C1orf116: variants seen among roughly 807,000 people sequenced by gnomAD.
The protein encoded by C1orf116 is specifically androgen-regulated gene protein.
Under a neutral mutation model 14.1 loss-of-function variants are expected in C1orf116, and 12 were observed. The ratio of observed to expected loss-of-function variants is 0.85; its 90% CI spans 0.54 to 1.38. The LOEUF is 1.38. C1orf116 is among the 40% of genes most tolerant of loss of function. The pLI is 0.00. For missense variants in C1orf116, 797 were observed against 747.0 expected (o/e 1.07, Z -0.78); for synonymous variants, 296 against 299.0 (o/e 0.99, Z 0.10).
chr1:207,032,218 C>T (rs1374912913), intron 1 of C1orf116, among the ~76,000 whole-genome samples: 1 of 152,212 alleles, frequency 6.6e-6, no homozygotes, highest in Non-Finnish European at 1.5e-5. Context: ...CATTTTGACT[C>T]CCTCTATTTC....
In C1orf116 at chr1:207,023,388, C is replaced by G; in HGVS notation, c.376G>C (p.Gly126Arg). 6.2e-7 allele frequency: 1 copy of G among 1,614,114 alleles called. No homozygotes were observed. ...AGGCTGTAGGAGCCAGACCTGAGGC[C>G]TAGGCCCTGGGGCTCAGGAGGGTGG... ...SSHPPEPQGL[G>R]LRSGSYSLPR... The change falls in exon 4 of 4, where the codon GGC becomes CGC. Residue 126 changes from glycine (G) to arginine (R), a missense_variant. By Grantham distance (125) the Gly-to-Arg change is moderately radical. Transcript: ENST00000359470.
chr1:207,022,596 G>A lies in C1orf116; in HGVS notation c.1168C>T (p.Leu390=). Residue 390 remains leucine (L), a synonymous_variant, in exon 4 of 4, where the codon CTG becomes TTG. Coordinates refer to ENST00000359470, the MANE Select transcript of C1orf116 (RefSeq NM_023938.6). ...RAQHLSPAPG[L]AQPAAPAQAS... ...TGGGCTGGAGCTGCAGGCTGAGCCAGACCTGGAGCTGGGGACAGATGCTGG... is the reference window on the plus strand; with the variant it reads ...TGGGCTGGAGCTGCAGGCTGAGCCAAACCTGGAGCTGGGGACAGATGCTGG... 1 of 1,614,202 alleles carries A rather than the reference G, an allele frequency of 6.2e-7. No individual in the cohort carries two copies. Among genetic ancestry groups the A allele is most frequent in the Non-Finnish European group, 8.5e-7 (1 of 1,180,038 alleles).
chr1:207,025,497 T>A (rs1198149804), intron 2 of C1orf116, among the ~76,000 whole-genome samples: 1 of 152,176 alleles, frequency 6.6e-6, no homozygotes, highest in Non-Finnish European at 1.5e-5. Context: ...AAGTGCAACA[T>A]AACAATTTGA....
Position 207,027,502 on chromosome 1 carries a change from A to T in C1orf116, c.97T>A (p.Ser33Thr). 6.2e-7 allele frequency: 1 copy of T among 1,613,898 alleles called. No individual in the cohort carries two copies. The highest frequency in any genetic ancestry group is 1.1e-5 in the South Asian group (1 of 91,080). The change falls in exon 2 of 4, where the codon TCT becomes ACT. Residue 33 changes from serine to threonine, a missense_variant. Coordinates refer to ENST00000359470, the MANE Select transcript of C1orf116 (RefSeq NM_023938.6). ...GGGAGAGTATTACGTACAGATCCAG[A>T]GCGGGTGGAGGTGCTGCTCATCATG... ...DSMMSSTSTRSGSSDSSYDFL... is the reference protein window; with the variant it reads ...DSMMSSTSTRTGSSDSSYDFL...
Position 207,020,307 on chromosome 1 carries a change from A to C in C1orf116, c.*1651T>G, listed in dbSNP as rs1160884474. The C allele has an allele frequency of 6.6e-6, 1 of 152,174 alleles. No homozygotes were observed. Among genetic ancestry groups the C allele is most frequent in the Non-Finnish European group, 1.5e-5 (1 of 68,050 alleles). 9.4% of individuals were successfully genotyped at this position (152,174 alleles called of 1,614,324 possible). A position where few individuals can be genotyped will look rare whatever the true frequency, so the allele number is the denominator to read the frequency against. Reference sequence around the variant, plus strand: ...TGGAGTATTTGTTGTCCTTATGTTAACCTTGTCACCGTTTTCAGAAATTCT... The same window carrying C: ...TGGAGTATTTGTTGTCCTTATGTTACCCTTGTCACCGTTTTCAGAAATTCT... On this transcript the variant is annotated 3_prime_UTR_variant, in exon 4 of 4. Coordinates refer to ENST00000359470, the MANE Select transcript of C1orf116 (RefSeq NM_023938.6).
chr1:207,020,114 G>T lies in C1orf116; in HGVS notation c.*1844C>A, dbSNP rs914559213. On this transcript the variant is annotated 3_prime_UTR_variant, in exon 4 of 4. Coordinates refer to ENST00000359470, the MANE Select transcript of C1orf116 (RefSeq NM_023938.6). ...CCAGAAGGCAGCTTTCTCTCTTTCT[G>T]GGGGTGTATAATAAGACATAACTTG... 2.6e-5 allele frequency: 4 copies of T among 152,168 alleles called. No homozygotes were observed. Among genetic ancestry groups the T allele is most frequent in the African/African-American group, 9.7e-5 (4 of 41,444 alleles). The allele number at this position is 152,168 out of a possible 1,614,324, so 9.4% of individuals were successfully genotyped here. A position where few individuals can be genotyped will look rare whatever the true frequency, so the allele number is the denominator to read the frequency against.
chr1:207,022,551 C>A lies in C1orf116; in HGVS notation c.1213G>T (p.Ala405Ser). Residue 405 changes from alanine to serine, a missense_variant, in exon 4 of 4, where the codon GCT becomes TCT. Coordinates refer to ENST00000359470, the MANE Select transcript of C1orf116 (RefSeq NM_023938.6). ...GCTTGAGCCAGAGCCTTCCCAGCAG[C>A]AGGAATAGCTGCTGAGGCCTGGGCT... ...APAQASAAIP[A>S]AGKALAQAPA... 1 of 1,614,094 alleles carries A rather than the reference C, an allele frequency of 6.2e-7. No homozygotes were observed. The highest frequency in any genetic ancestry group is 1.1e-5 in the South Asian group (1 of 91,080).
Position 207,022,170 on chromosome 1 carries a change from A to G in C1orf116, c.1594T>C (p.Ser532Pro), listed in dbSNP as rs772030443. Residue 532 changes from serine (S) to proline (P), a missense_variant, in exon 4 of 4, where the codon TCC (serine) becomes CCC (proline). Coordinates refer to ENST00000359470, the MANE Select transcript of C1orf116 (RefSeq NM_023938.6). Reference sequence around the variant, plus strand: ...GCAAAATCTTTCCCCGTGCCCAGGGAGGCCGGGCGGGGCCGAGAATTACGT... The same window carrying G: ...GCAAAATCTTTCCCCGTGCCCAGGGGGGCCGGGCGGGGCCGAGAATTACGT... ...VLRNSRPRPA[S>P]LGTGKDFAGI... 2 of 1,613,542 alleles carry G rather than the reference A, an allele frequency of 1.2e-6. No individual in the cohort carries two copies. The highest frequency in any genetic ancestry group is 1.7e-4 in the Middle Eastern group (1 of 6,058).
chr1:207,023,259 C>T lies in C1orf116; in HGVS notation c.505G>A (p.Glu169Lys). 2.5e-6 allele frequency: 4 copies of T among 1,613,558 alleles called. No individual in the cohort carries two copies. Among genetic ancestry groups the T allele is most frequent in the Admixed American group, 1.7e-5 (1 of 59,976 alleles). ...CTGCTCTGGCTGACCTGTTCTTTCT[C>T]AGGCTCTGGCGCAAGCCTCCCCGGT... ...GEPGRLAPEP[E>K]KEQVSQSSQP... is the part of the protein sequence containing the mutation. The change falls in exon 4 of 4, where the codon GAG becomes AAG. Residue 169 changes from glutamate (E) to lysine (K), a missense_variant. Transcript: ENST00000359470.
Position 207,019,401 on chromosome 1 carries a change from T to G in C1orf116, c.*2557A>C, listed in dbSNP as rs1681762472. 1 of 152,222 alleles carries G rather than the reference T, an allele frequency of 6.6e-6. No homozygotes were observed. The highest frequency in any genetic ancestry group is 1.5e-5 in the Non-Finnish European group (1 of 68,052). The allele number at this position is 152,222 out of a possible 1,614,324, so 9.4% of individuals were successfully genotyped here. A position where few individuals can be genotyped will look rare whatever the true frequency, so the allele number is the denominator to read the frequency against. ...GTGGAAGTAGAGCTGTCGCTTTGAT[T>G]TTGAAAATCAAATGAATGGCCTTTA... is the stretch of plus-strand genomic sequence containing the variant. On this transcript the variant is annotated 3_prime_UTR_variant, in exon 4 of 4. Transcript: ENST00000359470.
chr1:207,023,514 C>T, intron 3 of C1orf116, 34 bp from the exon 4 acceptor site: 1 of 1,555,442 alleles, frequency 6.4e-7, no homozygotes, highest in Non-Finnish European at 8.7e-7. Flanking sequence ...AAAGAGTGGA[C>T]AGAAAAAGAG....
Position 207,022,306 on chromosome 1 carries a change from G to C in C1orf116, c.1458C>G (p.Arg486=), listed in dbSNP as rs369453764. 2 of 1,613,794 alleles carry C rather than the reference G, an allele frequency of 1.2e-6. No homozygotes were observed. Among genetic ancestry groups the C allele is most frequent in the Non-Finnish European group, 1.7e-6 (2 of 1,179,908 alleles). Reference sequence around the variant, plus strand: ...GGTAGCTGCTCAGTCCCACGCCTGAGCGCTCCAGAGTGTTGGACTTGAAGT... The same window carrying C: ...GGTAGCTGCTCAGTCCCACGCCTGACCGCTCCAGAGTGTTGGACTTGAAGT... ...QMNFKSNTLE[R]SGVGLSSYLS... is the part of the protein sequence containing the mutation. Residue 486 remains arginine, a synonymous_variant, in exon 4 of 4, where the codon CGC becomes CGG. Transcript: ENST00000359470.
chr1:207,022,765 A>G lies in C1orf116; in HGVS notation c.999T>C (p.Ser333=). The change falls in exon 4 of 4, where the codon TCT becomes TCC. Residue 333 remains serine, a synonymous_variant. Transcript: ENST00000359470. ...CTTGCAGTGAACAGGAGATCAGGCC[A>G]GAATCTCCAGGGGCAGCCTCAGTGT... ...SRHTEAAPGD[S]GLISCSLQEQ... 6 of 1,614,220 alleles carry G rather than the reference A, an allele frequency of 3.7e-6. No homozygotes were observed. The highest frequency in any genetic ancestry group is 1.1e-5 in the South Asian group (1 of 91,088).
chr1:207,022,994 G>A lies in C1orf116; in HGVS notation c.770C>T (p.Thr257Ile), dbSNP rs1216654866. ...MSQKAKETVS[T>I]RYTQPQPPPA... ...AGGAGGCTGGGGTTGTGTGTACCTG[G>A]TTGAGACTGTTTCCTTGGCTTTTTG... The change falls in exon 4 of 4, where the codon ACC becomes ATC. Residue 257 changes from threonine to isoleucine, a missense_variant. By Grantham distance (89) the Thr-to-Ile change is moderately conservative. Coordinates refer to ENST00000359470, the MANE Select transcript of C1orf116 (RefSeq NM_023938.6). 3.7e-5 allele frequency: 59 copies of A among 1,613,906 alleles called. No homozygotes were observed. The highest frequency in any genetic ancestry group is 2.2e-4 in the Admixed American group (13 of 60,004).
At position 207,023,290 on chromosome 1, in the gene C1orf116, A is replaced by G. The variant is rs749408562; in HGVS notation, c.474T>C (p.Pro158=). 2 of 1,614,092 alleles carry G rather than the reference A, an allele frequency of 1.2e-6. No homozygotes were observed. The highest frequency in any genetic ancestry group is 2.7e-5 in the African/African-American group (2 of 75,040). The part of the protein sequence containing the change: ...KSTTQASSHN[P]GEPGRLAPEP... ...CTGGCGCAAGCCTCCCCGGTTCTCC[A>G]GGGTTGTGACTGCTAGCCTGGGTGG... The change falls in exon 4 of 4, where the codon CCT becomes CCC. Residue 158 remains proline (P), a synonymous_variant. Coordinates refer to ENST00000359470, the MANE Select transcript of C1orf116 (RefSeq NM_023938.6).
At chr1:207,025,555 A>G (rs577606392) in intron 2 of C1orf116, among the ~76,000 whole-genome samples, 5 of 152,354 alleles carry the variant, frequency 3.3e-5, no homozygotes, top group African/African-American at 7.2e-5. Flanking sequence ...GTACTTCTGC[A>G]TACTTGATCT....
rs775709600 is a variant in C1orf116, at chr1:207,022,536, G to C, written c.1228C>G (p.Leu410Val). The C allele has an allele frequency of 6.2e-7, 1 of 1,614,184 alleles. No individual in the cohort carries two copies. The highest frequency in any genetic ancestry group is 8.5e-7 in the Non-Finnish European group (1 of 1,180,008). ...SAAIPAAGKA[L>V]AQAPAPAPGP... ...GGAGCTGGAGCCGGAGCTTGAGCCA[G>C]AGCCTTCCCAGCAGCAGGAATAGCT... is the stretch of plus-strand genomic sequence containing the variant. The change falls in exon 4 of 4, where the codon CTG becomes GTG. Residue 410 changes from leucine (L) to valine (V), a missense_variant. Physicochemically the swap from Leu to Val is conservative, Grantham distance 32 (BLOSUM62 1). Coordinates refer to ENST00000359470, the MANE Select transcript of C1orf116 (RefSeq NM_023938.6).
chr1:207,021,722 GC>G lies in C1orf116; in HGVS notation c.*235del, dbSNP rs560596170. 10 of 394,692 alleles carry G rather than the reference GC, an allele frequency of 2.5e-5. No homozygotes were observed. The highest frequency in any genetic ancestry group is 7.4e-5 in the East Asian group (2 of 26,968). 24.4% of individuals were successfully genotyped at this position (394,692 alleles called of 1,614,324 possible). A position where few individuals can be genotyped will look rare whatever the true frequency, so the allele number is the denominator to read the frequency against. ...AATAGCTTCAGTGATGTATCCAGCG[GC>G]CCCCCCTCCACACACACACCAAACA... On this transcript the variant is annotated 3_prime_UTR_variant, in exon 4 of 4. Transcript: ENST00000359470.
chr1:207,030,573 C>G (rs1167585639), intron 1 of C1orf116, among the ~76,000 whole-genome samples: 1 of 152,154 alleles, frequency 6.6e-6, no homozygotes, highest in Non-Finnish European at 1.5e-5. Flanking sequence ...GGAATCTGAA[C>G]CTGAAACCAA....
Sources: gnomAD v4.1 joint callset for allele counts (sites outside exome capture counted in the v4.1 genomes callset) on GRCh38, gnomAD v4.1.1 for gene constraint, MANE v1.5 for transcripts, NCBI Gene and HGNC (gene_info 2026-07-23, HGNC 2026-07-21) for gene names.